Variants in NRXN3 observed in about 807,000 individuals in gnomAD.
The protein encoded by NRXN3 is neurexin III.
Under a neutral mutation model 137.6 loss-of-function variants are expected in NRXN3, and 32 were observed. That is an observed-to-expected ratio of 0.23 (90% CI 0.18 to 0.31). The LOEUF is 0.31. Among genes scored for constraint, NRXN3 ranks in the 10% least tolerant of loss-of-function variants. The pLI is 1.00. For missense variants in NRXN3, 1,574 were observed against 2,062.5 expected (o/e 0.76, Z 4.59); for synonymous variants, 798 against 784.5 (o/e 1.02, Z -0.29).
intron 15 of NRXN3, among the ~76,000 whole-genome samples, chr14:79,290,797 G>A (rs188215376): frequency 1.4e-4 from 22 of 152,206 alleles, no homozygotes; most frequent in Admixed American, 1.2e-3. Flanking sequence ...AAAGCATTGC[G>A]GCTTCTTTAC....
At position 78,246,946 on chromosome 14, in the gene NRXN3, C is replaced by A. The variant is rs576170179; in HGVS notation, c.709+3144C>A. 6.6e-5 allele frequency among the ~76,000 whole-genome samples: 10 copies of A among 152,312 alleles called. No individual in the cohort carries two copies. The East Asian group carries it at 1.9e-3, about 29-fold the overall frequency. ...CGGGCAGAATGTGCACCAAGCACCTCTTGTCTCAATTTGCAGTCTAGGCCC... is the reference window on the plus strand; with the variant it reads ...CGGGCAGAATGTGCACCAAGCACCTATTGTCTCAATTTGCAGTCTAGGCCC... On this transcript the variant is annotated intron_variant, in intron 2 of 20. Transcript: ENST00000335750.
chr14:78,229,269 G>A (rs1289449247), intron 1 of NRXN3, among the ~76,000 whole-genome samples: 1 of 151,122 alleles, frequency 6.6e-6, no homozygotes, highest in Non-Finnish European at 1.5e-5. Context: ...ATGTTTTGGG[G>A]TTTACTTCTT....
chr14:79,352,122 A>G lies in NRXN3; in HGVS notation c.3263-115099A>G, dbSNP rs762303338. Among the ~76,000 whole-genome samples the G allele has an allele frequency of 2.6e-5, 4 of 152,144 alleles. 1 individual carries two copies. In the South Asian group the frequency reaches 6.2e-4, roughly 24 times the overall value. On this transcript the variant is annotated intron_variant, in intron 15 of 20. Transcript: ENST00000335750. The stretch of plus-strand genomic sequence containing the variant: ...GGAGCAGGTGATGATAGCAAAGTCC[A>G]TGCCATCTTTTATTTAGCAAAGTAT...
chr14:78,699,850 G>C (rs145469114), intron 6 of NRXN3, among the ~76,000 whole-genome samples: 222 of 152,276 alleles, frequency 1.5e-3, no homozygotes, highest in African/African-American at 5.1e-3. Flanking sequence ...AAATGAGAGT[G>C]TGTATTTATT....
At chr14:78,774,889 C>T (rs1023562240) in intron 8 of NRXN3, among the ~76,000 whole-genome samples, 13 of 151,946 alleles carry the variant, frequency 8.6e-5, no homozygotes, top group African/African-American at 2.4e-4. Flanking sequence ...TGCCACTACA[C>T]GCTAGCCTGG....
At chr14:79,772,704 G>T (rs952419102) in intron 19 of NRXN3, among the ~76,000 whole-genome samples, 2 of 152,034 alleles carry the variant, frequency 1.3e-5, no homozygotes, top group African/African-American at 4.8e-5. Context: ...TACCATTCAG[G>T]ACATAGGCAT....
At chr14:78,236,070 A>G (rs2066255318) in intron 1 of NRXN3, among the ~76,000 whole-genome samples, 1 of 152,254 alleles carries the variant, frequency 6.6e-6, no homozygotes, top group Non-Finnish European at 1.5e-5. Flanking sequence ...TGACATAACA[A>G]AAATAATAGA....
At chr14:78,804,322 G>A (rs187813590) in intron 9 of NRXN3, among the ~76,000 whole-genome samples, 1 of 152,274 alleles carries the variant, frequency 6.6e-6, no homozygotes, top group East Asian at 1.9e-4. Context: ...GGAGAATTCT[G>A]GTGGCCTTGA....
At chr14:78,853,965 A>G (rs893902774) in intron 10 of NRXN3, among the ~76,000 whole-genome samples, 1 of 152,214 alleles carries the variant, frequency 6.6e-6, no homozygotes, top group African/African-American at 2.4e-5. Context: ...TATAATTTCA[A>G]TATTCAGGCT....
At chr14:78,418,075 T>C (rs2093245524) in intron 4 of NRXN3, among the ~76,000 whole-genome samples, 1 of 152,032 alleles carries the variant, frequency 6.6e-6, no homozygotes, top group Admixed American at 6.5e-5. Flanking sequence ...CATATTTAGG[T>C]TGGAATTAGT....
At chr14:79,576,023 G>A (rs2097661379) in intron 16 of NRXN3, among the ~76,000 whole-genome samples, 1 of 152,108 alleles carries the variant, frequency 6.6e-6, no homozygotes, top group Non-Finnish European at 1.5e-5. Flanking sequence ...TGCCAAAATG[G>A]TATTCTTCTT....
intron 4 of NRXN3, among the ~76,000 whole-genome samples, chr14:78,360,715 G>A (rs183647117): frequency 6.6e-6 from 1 of 152,282 alleles, no homozygotes; most frequent in East Asian, 1.9e-4. Flanking sequence ...GTATATGTAT[G>A]CTTTTTAAAA....
chr14:78,236,199 A>G (rs981855700), intron 1 of NRXN3, among the ~76,000 whole-genome samples: 3 of 152,218 alleles, frequency 2.0e-5, no homozygotes, highest in Admixed American at 2.0e-4. Flanking sequence ...CACAAACTGA[A>G]CACATTACGC....
chr14:79,528,501 G>T (rs1285811573), intron 16 of NRXN3, among the ~76,000 whole-genome samples: 2 of 152,120 alleles, frequency 1.3e-5, no homozygotes, highest in Non-Finnish European at 2.9e-5. Context: ...ATCTCTATGT[G>T]AGTATGTTTG....
At chr14:78,400,627 T>C (rs886923136) in intron 4 of NRXN3, among the ~76,000 whole-genome samples, 1 of 152,218 alleles carries the variant, frequency 6.6e-6, no homozygotes, top group Non-Finnish European at 1.5e-5. Context: ...GGACTGTGCA[T>C]GATGCTGTAT....
At chr14:78,837,602 G>T (rs1379931346) in intron 10 of NRXN3, among the ~76,000 whole-genome samples, 4 of 151,692 alleles carry the variant, frequency 2.6e-5, no homozygotes, top group South Asian at 2.1e-4. Flanking sequence ...AGAAATACTT[G>T]TTCTTGGTTG....
rs145242147 is a variant in NRXN3 at position 79,287,301 on chromosome 14, G to A, written c.3263-179920G>A. Among the ~76,000 whole-genome samples the A allele has an allele frequency of 3.8e-3, 580 of 152,304 alleles. 6 individuals carry two copies. The highest frequency in any genetic ancestry group is 0.012 in the African/African-American group (515 of 41,574). On this transcript the variant is annotated intron_variant, in intron 15 of 20. Transcript: ENST00000335750. ...ATGGTCTGCTTAGGTAGAAAGTCATGCCAGGCAAATTTTAGCATGGACCAA... is the reference window on the plus strand; with the variant it reads ...ATGGTCTGCTTAGGTAGAAAGTCATACCAGGCAAATTTTAGCATGGACCAA...
At chr14:78,667,577 T>G (rs1337009413) in intron 6 of NRXN3, among the ~76,000 whole-genome samples, 1 of 152,208 alleles carries the variant, frequency 6.6e-6, no homozygotes, top group Non-Finnish European at 1.5e-5. Context: ...TGACTGACTG[T>G]AAGAAAGTTG....
chr14:78,306,141 A>G (rs886807053), intron 4 of NRXN3, among the ~76,000 whole-genome samples: 4 of 152,214 alleles, frequency 2.6e-5, no homozygotes, highest in Non-Finnish European at 5.9e-5. Flanking sequence ...GTATCAGTAG[A>G]ACATTTTAAT....
Sources: allele counts gnomAD v4.1 joint callset (sites outside exome capture counted in the v4.1 genomes callset), GRCh38; gene constraint gnomAD v4.1.1; transcripts MANE v1.5; gene names NCBI Gene and HGNC (gene_info 2026-07-23, HGNC 2026-07-21).